Variants in APC observed in about 807,000 individuals in gnomAD.
The protein encoded by APC is adenomatous polyposis coli protein.
A neutral mutation model predicts 247.0 loss-of-function variants in APC; 72 were observed. The ratio of observed to expected loss-of-function variants is 0.29; its 90% CI spans 0.24 to 0.35. APC has a LOEUF of 0.35. Among genes scored for constraint, APC ranks in the 10% least tolerant of loss-of-function variants. The pLI is 1.00. For missense variants in APC, 3,400 were observed against 3,360.7 expected, an observed-to-expected ratio of 1.01 and a Z score of -0.29; for synonymous variants, 1,254 against 1,162.5, an observed-to-expected ratio of 1.08 and a Z score of -1.60.
chr5:112,808,163 A>T (rs7712157), intron 8 of APC, among the ~76,000 whole-genome samples: 8,258 of 152,232 alleles, frequency 0.054, 412 homozygotes, highest in East Asian at 0.13. Context: ...TCAAAAAAAT[A>T]AAAAAATTAA....
intron 1 of APC, among the ~76,000 whole-genome samples, chr5:112,743,980 A>T (rs1347321560): frequency 6.6e-6 from 1 of 152,128 alleles, no homozygotes; most frequent in Admixed American, 6.5e-5. Flanking sequence ...CTAGGATTAC[A>T]AACATGTGCC....
At chr5:112,752,152 T>C (rs1370544415) in intron 1 of APC, among the ~76,000 whole-genome samples, 1 of 152,164 alleles carries the variant, frequency 6.6e-6, no homozygotes, top group African/African-American at 2.4e-5. Context: ...AGCAGAGTCA[T>C]CTTTTATGAT....
chr5:112,797,972 G>A (rs1484005905), intron 7 of APC, among the ~76,000 whole-genome samples: 1 of 152,166 alleles, frequency 6.6e-6, no homozygotes, highest in Non-Finnish European at 1.5e-5. Flanking sequence ...CTCATTGCTG[G>A]TGGGAATTTA....
Position 112,845,799 on chromosome 5 carries a change from A to C in APC, c.*1673A>C, listed in dbSNP as rs1219072073. Reference sequence around the variant, plus strand: ...GTTTTAAAAGATCAGAGGGTGACTGATGATACATGCATACATATTTGTTGA... The same window carrying C: ...GTTTTAAAAGATCAGAGGGTGACTGCTGATACATGCATACATATTTGTTGA... On this transcript the variant is annotated 3_prime_UTR_variant, in exon 16 of 16. Coordinates refer to ENST00000257430, the MANE Select transcript of APC (RefSeq NM_000038.6). 4.3e-6 allele frequency: 1 copy of C among 232,156 alleles called. No individual in the cohort carries two copies. The highest frequency in any genetic ancestry group is 8.5e-6 in the Non-Finnish European group (1 of 117,386). The allele number at this position is 232,156 out of a possible 1,614,324, so 14.4% of individuals were successfully genotyped here.
chr5:112,741,606 A>T lies in APC; in HGVS notation c.-19+3681A>T, dbSNP rs975202465. ...TACAGTTAATGAGATTTTTAAAAAAATTTTATTGTGATAAATATACATAAA... is the reference window on the plus strand; with the variant it reads ...TACAGTTAATGAGATTTTTAAAAAATTTTTATTGTGATAAATATACATAAA... On this transcript the variant is annotated intron_variant, in intron 1 of 15. Transcript: ENST00000257430. Among the ~76,000 whole-genome samples the T allele has an allele frequency of 4.6e-5, 7 of 152,184 alleles. No homozygotes were observed. In the East Asian group the frequency reaches 5.8e-4, roughly 13 times the overall value.
At chr5:112,712,756 C>T (rs1750931132) in intron 1 of APC, among the ~76,000 whole-genome samples, 1 of 152,198 alleles carries the variant, frequency 6.6e-6, no homozygotes, top group African/African-American at 2.4e-5. Context: ...CTCAACAACC[C>T]AGTCTTGAAA....
intron 2 of APC, among the ~76,000 whole-genome samples, chr5:112,758,697 G>A (rs1755278041): frequency 6.6e-6 from 1 of 151,562 alleles, no homozygotes; most frequent in African/African-American, 2.4e-5. Flanking sequence ...CACAATTTTG[G>A]CTCACTGCAG....
intron 1 of APC, among the ~76,000 whole-genome samples, chr5:112,726,467 C>T (rs1216832756): frequency 6.6e-6 from 1 of 152,190 alleles, no homozygotes. Flanking sequence ...TTTCTTTTCT[C>T]TGCTGTGCTG....
At position 112,839,090 on chromosome 5, in the gene APC, T is replaced by C. The variant is rs2149893127; in HGVS notation, c.3496T>C (p.Tyr1166His). ...EERPTNYSIK[Y>H]NEEKRHVDQP... ...GAGACCAACAAATTATAGCATAAAA[T>C]ATAATGAAGAGAAACGTCATGTGGA... The change falls in exon 16 of 16, where the codon TAT (tyrosine) becomes CAT (histidine). Residue 1166 changes from tyrosine (Y) to histidine (H), a missense_variant. Transcript: ENST00000257430. The surrounding 1 kb of genome is among the most constrained non-coding windows in gnomAD (Gnocchi z 5.0). 1 of 1,614,090 alleles carries C rather than the reference T, an allele frequency of 6.2e-7. No individual in the cohort carries two copies.
chr5:112,713,460 C>T (rs940112491), intron 1 of APC, among the ~76,000 whole-genome samples: 13 of 152,122 alleles, frequency 8.5e-5, no homozygotes, highest in Non-Finnish European at 1.5e-4. Flanking sequence ...TCCTGGCGTG[C>T]CGCTGCTTTA....
At chr5:112,758,637 T>C (rs962215412) in intron 2 of APC, among the ~76,000 whole-genome samples, 18 of 151,784 alleles carry the variant, frequency 1.2e-4, no homozygotes, top group Non-Finnish European at 1.0e-4. Flanking sequence ...TCCCCACAAC[T>C]TTTTTTTAGA....
chr5:112,741,080 T>C (rs1192333082), intron 1 of APC, among the ~76,000 whole-genome samples: 1 of 152,174 alleles, frequency 6.6e-6, no homozygotes, highest in Non-Finnish European at 1.5e-5. Flanking sequence ...GGGTAATAGT[T>C]TAGGAAATAT....
chr5:112,842,270 C>T lies in APC; in HGVS notation c.6676C>T (p.Arg2226Ter), dbSNP rs1064794626. The change falls in exon 16 of 16, where the codon CGA becomes TGA. Residue 2226 changes from arginine (R) to a stop codon, truncating the protein, a stop_gained. Coordinates refer to ENST00000257430, the MANE Select transcript of APC (RefSeq NM_000038.6). LOFTEE classifies it high-confidence loss of function. ...PLQANMPSISRGRTMIHIPGV... is the reference protein window; with the variant it reads ...PLQANMPSIS ...TCAAGCAAACATGCCTTCAATCTCT[C>T]GAGGCAGGACAATGATTCATATTCC... 1.2e-6 allele frequency: 2 copies of T among 1,613,960 alleles called. No individual in the cohort carries two copies. The highest frequency in any genetic ancestry group is 1.7e-6 in the Non-Finnish European group (2 of 1,179,890).
At chr5:112,734,793 GTT>G (rs71224873), upstream of APC, among the ~76,000 whole-genome samples, 1,539 of 41,858 alleles carry the variant, frequency 0.037, 20 homozygotes, top group Non-Finnish European at 0.047. Context: ...GTGTGTGTGT[GTT>G]TTTTTTTTTT....
intron 1 of APC, among the ~76,000 whole-genome samples, chr5:112,711,851 T>C (rs182641807): frequency 5.1e-4 from 77 of 152,340 alleles, no homozygotes; most frequent in African/African-American, 1.8e-3. Flanking sequence ...TCTCTCAACA[T>C]TGTCCTTGTG....
chr5:112,707,810 G>T lies in APC; in HGVS notation c.93G>T (p.Arg31Ser), dbSNP rs1242659289. Reference sequence around the variant, plus strand: ...GGTCCTGGAGCACCGGCGGCAGCAGGAGCTGCGTCCGGCAGGAGACGAAGA... The same window carrying T: ...GGTCCTGGAGCACCGGCGGCAGCAGTAGCTGCGTCCGGCAGGAGACGAAGA... Residue 31 changes from arginine (R) to serine (S), a missense_variant, in exon 1 of 14, where the codon AGG becomes AGT. Arg to Ser is a moderately radical substitution (Grantham distance 110, BLOSUM62 -1). Transcript: ENST00000507379. The T allele has an allele frequency of 1.5e-6, 2 of 1,370,538 alleles. No individual in the cohort carries two copies. The highest frequency in any genetic ancestry group is 6.8e-5 in the East Asian group (2 of 29,424). The allele number at this position is 1,370,538 out of a possible 1,614,324, so 84.9% of individuals were successfully genotyped here. A position where few individuals can be genotyped will look rare whatever the true frequency, so the allele number is the denominator to read the frequency against.
At chr5:112,765,069 A>T (rs575139266) in intron 2 of APC, among the ~76,000 whole-genome samples, 1 of 152,118 alleles carries the variant, frequency 6.6e-6, no homozygotes, top group East Asian at 1.9e-4. Flanking sequence ...TACTAAGGCT[A>T]TTTATTAAAA....
chr5:112,826,598 A>C (rs1385506952), intron 11 of APC, among the ~76,000 whole-genome samples: 4 of 126,792 alleles, frequency 3.2e-5, no homozygotes, highest in South Asian at 2.9e-4. Context: ...AAAAAAAAAA[A>C]AAACAAAACT....
chr5:112,783,418 G>A (rs1758564939), intron 6 of APC, among the ~76,000 whole-genome samples: 1 of 151,986 alleles, frequency 6.6e-6, no homozygotes, highest in Admixed American at 6.6e-5. Flanking sequence ...AAGATAAAAA[G>A]GCAAATAATG....
Sources: gnomAD v4.1 joint callset for allele counts (sites outside exome capture counted in the v4.1 genomes callset) on GRCh38, gnomAD v4.1.1 for gene constraint, Gnocchi (gnomAD v3.1) non-coding constraint, MANE v1.5 for transcripts, NCBI Gene and HGNC (gene_info 2026-07-23, HGNC 2026-07-21) for gene names.